KHDRBS2: variants seen among roughly 807,000 people sequenced by gnomAD.
The protein encoded by KHDRBS2 is KH RNA binding domain containing, signal transduction associated 2.
Under a neutral mutation model 44.3 loss-of-function variants are expected in KHDRBS2, and 26 were observed. That is an observed-to-expected ratio of 0.59 (90% CI 0.43 to 0.81). The LOEUF is 0.81. KHDRBS2 is among the 40% of genes least tolerant of loss of function. The pLI is 0.00. For synonymous variants in KHDRBS2, 194 were observed against 151.1 expected (o/e 1.28, Z -2.08); for missense variants, 476 against 433.1 (o/e 1.10, Z -0.88).
chr6:62,152,477 C>G (rs941741527), intron 2 of KHDRBS2, among the ~76,000 whole-genome samples: 1 of 152,092 alleles, frequency 6.6e-6, no homozygotes, highest in Non-Finnish European at 1.5e-5. Context: ...TTGATAATCT[C>G]GTTTTAGAGA....
chr6:62,071,180 T>C (rs1470144929), intron 2 of KHDRBS2, among the ~76,000 whole-genome samples: 1 of 152,160 alleles, frequency 6.6e-6, no homozygotes, highest in Non-Finnish European at 1.5e-5. Flanking sequence ...CACTTGTTGA[T>C]GGGGTTGTTT....
chr6:62,068,091 TTAACATTTTGAAGAAGCATCCAA>T (rs1242230285), intron 2 of KHDRBS2, among the ~76,000 whole-genome samples: 1 of 151,548 alleles, frequency 6.6e-6, no homozygotes, highest in Non-Finnish European at 1.5e-5. Flanking sequence ...AATTCTAAGT[TTAACATTTTGAAGAAGCATCCAA>T]TTGTTTTCCA....
intron 6 of KHDRBS2, among the ~76,000 whole-genome samples, chr6:61,856,299 C>A (rs1452089031): frequency 6.6e-6 from 1 of 152,114 alleles, no homozygotes; most frequent in East Asian, 1.9e-4. Context: ...TAATGGAGAA[C>A]AAGTAACATT....
intron 2 of KHDRBS2, among the ~76,000 whole-genome samples, chr6:62,158,378 A>G (rs1012680908): frequency 1.3e-5 from 2 of 152,196 alleles, no homozygotes; most frequent in Non-Finnish European, 2.9e-5. Flanking sequence ...ACCTCATGGT[A>G]TGTCATTATA....
chr6:62,075,249 C>CT (rs1394446935), intron 2 of KHDRBS2, among the ~76,000 whole-genome samples: 1 of 151,812 alleles, frequency 6.6e-6, no homozygotes, highest in Non-Finnish European at 1.5e-5. Flanking sequence ...AATGGATTCC[C>CT]TTATAAAAGA....
At chr6:61,906,119 T>C (rs1804965432) in intron 4 of KHDRBS2, among the ~76,000 whole-genome samples, 1 of 152,152 alleles carries the variant, frequency 6.6e-6, no homozygotes. Flanking sequence ...GTGCTGGGAA[T>C]ATAGGCGTGA....
At chr6:61,817,316 T>A (rs1374114293) in intron 6 of KHDRBS2, among the ~76,000 whole-genome samples, 2 of 152,076 alleles carry the variant, frequency 1.3e-5, no homozygotes, top group Admixed American at 1.3e-4. Context: ...ACTATCCCAA[T>A]ACATATTAAC....
At chr6:62,070,335 C>CT (rs35219578) in intron 2 of KHDRBS2, among the ~76,000 whole-genome samples, 40 of 148,670 alleles carry the variant, frequency 2.7e-4, no homozygotes, top group East Asian at 1.4e-3. Context: ...GTGTTCACTT[C>CT]TTTTTTTTTT....
chr6:62,026,632 A>G (rs1221788710), intron 3 of KHDRBS2, among the ~76,000 whole-genome samples: 2 of 151,200 alleles, frequency 1.3e-5, no homozygotes, highest in Non-Finnish European at 2.9e-5. Context: ...TCTCATTATG[A>G]TTATGTTGCC....
the KHDRBS2 span, among the ~76,000 whole-genome samples, chr6:61,606,495 TG>T: frequency 6.6e-6 from 1 of 152,166 alleles, no homozygotes; most frequent in Non-Finnish European, 1.5e-5. Context: ...AATTTTTAAA[TG>T]TGCAGAAGTG....
At chr6:61,986,076 T>C (rs1024699769) in intron 3 of KHDRBS2, among the ~76,000 whole-genome samples, 2 of 152,218 alleles carry the variant, frequency 1.3e-5, no homozygotes, top group African/African-American at 4.8e-5. Context: ...ATAGCTCTGA[T>C]ATTTATTATC....
rs200474893 is a variant in KHDRBS2 at position 61,993,673 on chromosome 6, AT to A, written c.337-15462del. Among the ~76,000 whole-genome samples the A allele has an allele frequency of 6.9e-4, 80 of 115,682 alleles. 1 individual carries two copies. Among genetic ancestry groups the A allele is most frequent in the South Asian group, 1.1e-3 (4 of 3,610 alleles). 75.9% of individuals were successfully genotyped at this position (115,682 alleles called of 152,430 possible). A position where few individuals can be genotyped will look rare whatever the true frequency, so the allele number is the denominator to read the frequency against. On this transcript the variant is annotated intron_variant, in intron 3 of 8. Coordinates refer to ENST00000281156, the MANE Select transcript of KHDRBS2 (RefSeq NM_152688.4). ...ATCATATATATATATATATATATAT[AT>A]TTTTTTTTTTTGATGTGAGCTTATA...
At chr6:62,093,710 T>A (rs1306162066) in intron 2 of KHDRBS2, among the ~76,000 whole-genome samples, 2 of 151,896 alleles carry the variant, frequency 1.3e-5, no homozygotes, top group Non-Finnish European at 2.9e-5. Context: ...AAGACAATGT[T>A]TTAGATTCCC....
At chr6:61,817,085 C>T (rs530768615) in intron 6 of KHDRBS2, 18 of 398,092 alleles carry the variant, frequency 4.5e-5, no homozygotes, top group Admixed American at 3.4e-4. Flanking sequence ...AAACTTTCCA[C>T]AAAGCAATCA....
In KHDRBS2 at chr6:62,049,300, C is replaced by T. The variant is rs183864716; in HGVS notation, c.220-1306G>A. On this transcript the variant is annotated intron_variant, in intron 2 of 8. Transcript: ENST00000281156. ...AATTGAATATCAGTATGAAAAAGAACAAAACAAAACAAAAAAGGAAACAAA... is the reference window on the plus strand; with the variant it reads ...AATTGAATATCAGTATGAAAAAGAATAAAACAAAACAAAAAAGGAAACAAA... 6.6e-5 allele frequency among the ~76,000 whole-genome samples: 10 copies of T among 151,374 alleles called. No individual in the cohort carries two copies. In the East Asian group the frequency reaches 1.8e-3, roughly 27 times the overall value.
At chr6:61,707,787 C>G (rs1224240291) in intron 7 of KHDRBS2, among the ~76,000 whole-genome samples, 1 of 151,582 alleles carries the variant, frequency 6.6e-6, no homozygotes, top group Non-Finnish European at 1.5e-5. Flanking sequence ...ATGAAATGCT[C>G]TGAGTCATTA....
the KHDRBS2 span, among the ~76,000 whole-genome samples, chr6:61,581,270 G>A: frequency 6.6e-6 from 1 of 152,092 alleles, no homozygotes; most frequent in Non-Finnish European, 1.5e-5. Flanking sequence ...GGATGCTTGT[G>A]TTCTTTTTTT....
At chr6:62,216,693 CCT>C (rs888732544) in intron 1 of KHDRBS2, among the ~76,000 whole-genome samples, 2 of 80,390 alleles carry the variant, frequency 2.5e-5, no homozygotes. Flanking sequence ...ATTTCTTTCT[CCT>C]CTTTTTTTTT....
the KHDRBS2 span, among the ~76,000 whole-genome samples, chr6:61,549,425 A>G: frequency 1.3e-5 from 2 of 152,290 alleles, no homozygotes; most frequent in Admixed American, 6.5e-5. Context: ...ACAAATTTTA[A>G]ACTTGTTTGT....
Sources: allele counts gnomAD v4.1 joint callset (sites outside exome capture counted in the v4.1 genomes callset), GRCh38; gene constraint gnomAD v4.1.1; transcripts MANE v1.5; gene names NCBI Gene and HGNC (gene_info 2026-07-23, HGNC 2026-07-21).